RAB36: variants seen among roughly 807,000 people sequenced by gnomAD.
The protein encoded by RAB36 is ras-related protein Rab-36.
In RAB36, 33 loss-of-function variants were observed where a neutral mutation model predicts 39.3. That is an observed-to-expected ratio of 0.84 (90% CI 0.64 to 1.12). RAB36 has a LOEUF of 1.12. Ranked by LOEUF, RAB36 falls within the 50% of genes most tolerant of loss-of-function variation. The pLI, the probability that RAB36 is intolerant of heterozygous loss-of-function variation, is 0.00. For missense variants in RAB36, 308 were observed against 355.3 expected (o/e 0.87, Z 1.07); for synonymous variants, 133 against 140.2 (o/e 0.95, Z 0.36).
intron 6 of RAB36, 58 bp from the exon 7 acceptor site, chr22:23,157,934 G>T: frequency 1.2e-6 from 2 of 1,609,874 alleles, no homozygotes; most frequent in Non-Finnish European, 1.7e-6. Flanking sequence ...CTCCTGGGGA[G>T]CCCCCTTGCT....
chr22:23,161,430 C>T (rs538003232), intron 10 of RAB36, 70 bp from the exon 11 acceptor site: 47 of 1,343,252 alleles, frequency 3.5e-5, no homozygotes, highest in Middle Eastern at 1.8e-4. Flanking sequence ...CTGTCAGGGC[C>T]GGCATCCCCT....
Position 23,162,460 on chromosome 22 carries a change from T to C in RAB36, c.*896T>C, listed in dbSNP as rs1176648911. The stretch of plus-strand genomic sequence containing the variant: ...TGCTGCCTCTCCATCCCTCTCTCAT[T>C]GGCCTATACATCTCTTAGGACCTTT... On this transcript the variant is annotated 3_prime_UTR_variant, in exon 11 of 11. Coordinates refer to ENST00000263116, the MANE Select transcript of RAB36 (RefSeq NM_004914.5). 2 of 361,366 alleles carry C rather than the reference T, an allele frequency of 5.5e-6. No homozygotes were observed. Among genetic ancestry groups the C allele is most frequent in the Non-Finnish European group, 1.1e-5 (2 of 179,132 alleles). 22.4% of individuals were successfully genotyped at this position (361,366 alleles called of 1,614,324 possible).
chr22:23,152,287 C>G (rs2071190955), intron 3 of RAB36, among the ~76,000 whole-genome samples, 174 bp from the exon 4 acceptor site: 1 of 152,208 alleles, frequency 6.6e-6, no homozygotes, highest in Admixed American at 6.5e-5. Flanking sequence ...CCTCTCCCGT[C>G]TCCCCTCTGG....
chr22:23,154,700 TC>T, intron 5 of RAB36, among the ~76,000 whole-genome samples: 1 of 152,214 alleles, frequency 6.6e-6, no homozygotes, highest in South Asian at 2.1e-4. Flanking sequence ...TTTGCCAGCC[TC>T]CCTACGGGCT....
In RAB36 at chr22:23,145,519, C is replaced by A. The variant is rs777459728; in HGVS notation, c.-45C>A. On this transcript the variant is annotated 5_prime_UTR_variant, in exon 1 of 11. Transcript: ENST00000263116. ...CGCCGCTGGCTCAGGCGGACCAGGC[C>A]GCGCGGAGCCCCAGCTTTCACAGCC... The A allele has an allele frequency of 1.9e-5, 30 of 1,604,254 alleles. No individual in the cohort carries two copies. The highest frequency in any genetic ancestry group is 2.2e-5 in the Non-Finnish European group (26 of 1,179,458).
Position 23,162,852 on chromosome 22 carries a change from C to T in RAB36, c.*1288C>T. 2 of 415,780 alleles carry T rather than the reference C, an allele frequency of 4.8e-6. No individual in the cohort carries two copies. The highest frequency in any genetic ancestry group is 1.0e-5 in the Non-Finnish European group (2 of 200,362). 25.8% of individuals were successfully genotyped at this position (415,780 alleles called of 1,614,324 possible). A position where few individuals can be genotyped will look rare whatever the true frequency, so the allele number is the denominator to read the frequency against. On this transcript the variant is annotated 3_prime_UTR_variant, in exon 11 of 11. Coordinates refer to ENST00000263116, the MANE Select transcript of RAB36 (RefSeq NM_004914.5). ...GCCAAATACCAGTTAGGGAAGAACA[C>T]TGGCATCTTTTTCTATTCATTCCCC...
intron 6 of RAB36, among the ~76,000 whole-genome samples, chr22:23,156,812 G>C (rs549234903): frequency 5.9e-5 from 9 of 152,218 alleles, no homozygotes; most frequent in Admixed American, 2.0e-4. Flanking sequence ...TCGCCTCTTC[G>C]GGCCTCTCCT....
At chr22:23,158,825 C>G (rs890217666) in intron 7 of RAB36, 73 bp from the exon 8 acceptor site, 18 of 1,387,402 alleles carry the variant, frequency 1.3e-5, no homozygotes, top group East Asian at 2.3e-5. Flanking sequence ...GGGGAGGTCC[C>G]AAGTGTGCCC....
chr22:23,155,625 T>G (rs541070047), intron 5 of RAB36, among the ~76,000 whole-genome samples: 4 of 152,346 alleles, frequency 2.6e-5, no homozygotes, highest in South Asian at 2.1e-4. Context: ...ACAAGTGGAC[T>G]GCTACATCTT....
chr22:23,146,806 T>C, intron 2 of RAB36, 121 bp downstream of exon 2: 1 of 1,429,512 alleles, frequency 7.0e-7, no homozygotes, highest in Non-Finnish European at 9.2e-7. Flanking sequence ...ATTGTCAGAT[T>C]TACCTTGAGG....
chr22:23,160,031 A>T (rs1417197149), intron 9 of RAB36, among the ~76,000 whole-genome samples: 3 of 152,314 alleles, frequency 2.0e-5, no homozygotes. Context: ...GGATGAAATG[A>T]AGTCATACGC....
rs2071256648 is a variant in RAB36, at chr22:23,153,148, TC to T, written c.329+19del. 1 of 1,605,016 alleles carries T rather than the reference TC, an allele frequency of 6.2e-7. No homozygotes were observed. On this transcript the variant is annotated intron_variant, in intron 5 of 10. Coordinates refer to ENST00000263116, the MANE Select transcript of RAB36 (RefSeq NM_004914.5). ...TAGCCTCCAGATGTAAGTTGCTGGT[TC>T]CCCCATGGCTCGTGGGCAGCTTCCT...
rs1028350822 is a variant in RAB36, at chr22:23,163,449, C to T, written c.*1885C>T. On this transcript the variant is annotated 3_prime_UTR_variant, in exon 11 of 11. Coordinates refer to ENST00000263116, the MANE Select transcript of RAB36 (RefSeq NM_004914.5). The stretch of plus-strand genomic sequence containing the variant: ...TTCACCGTGTTAGCCAGGATGGTCT[C>T]GATGATCTGACCTCGTGATCTGCCC... 1.0e-4 allele frequency: 15 copies of T among 147,894 alleles called. No homozygotes were observed. The highest frequency in any genetic ancestry group is 3.0e-4 in the African/African-American group (12 of 39,784). The allele number at this position is 147,894 out of a possible 1,614,324, so 9.2% of individuals were successfully genotyped here. A position where few individuals can be genotyped will look rare whatever the true frequency, so the allele number is the denominator to read the frequency against.
At chr22:23,150,285 G>A in intron 3 of RAB36, 131 bp downstream of exon 3, 1 of 698,530 alleles carries the variant, frequency 1.4e-6, no homozygotes, top group Non-Finnish European at 2.4e-6. Flanking sequence ...GAAGATGACT[G>A]GGGTTTTCTT....
intron 3 of RAB36, among the ~76,000 whole-genome samples, chr22:23,151,753 G>A (rs1409495960): frequency 3.3e-5 from 5 of 152,230 alleles, no homozygotes; most frequent in African/African-American, 1.2e-4. Flanking sequence ...AAACGCCTCT[G>A]CACAGAGTGT....
rs373104304 is a variant in RAB36 at position 23,150,119 on chromosome 22, C to T, written c.126C>T (p.Ser42=). 65 of 1,612,312 alleles carry T rather than the reference C, an allele frequency of 4.0e-5. No individual in the cohort carries two copies. Among genetic ancestry groups the T allele is most frequent in the Non-Finnish European group, 5.0e-5 (59 of 1,179,406 alleles). Residue 42 remains serine, a synonymous_variant, in exon 3 of 11, where the codon AGC becomes AGT. Coordinates refer to ENST00000263116, the MANE Select transcript of RAB36 (RefSeq NM_004914.5). ...GGGAGCACTTCCACGGGCAGGTCAG[C>T]GCTGCCTGCCAACGCAGGAACACGG... ...QLREHFHGQV[S]AACQRRNTGT...
intron 2 of RAB36, among the ~76,000 whole-genome samples, chr22:23,148,806 C>G (rs2070945908): frequency 6.6e-6 from 1 of 152,220 alleles, no homozygotes; most frequent in Non-Finnish European, 1.5e-5. Context: ...GTGTCTGAGC[C>G]AGTCCCTAGC....
At chr22:23,167,657 G>A (rs2072073242), downstream of RAB36, among the ~76,000 whole-genome samples, 2 of 152,150 alleles carry the variant, frequency 1.3e-5, no homozygotes, top group Non-Finnish European at 2.9e-5. Flanking sequence ...ATGGACAGAG[G>A]ATCGGTTAAA....
At chr22:23,153,181 A>C in intron 5 of RAB36, 47 bp downstream of exon 5, 1 of 1,426,268 alleles carries the variant, frequency 7.0e-7, no homozygotes, top group Non-Finnish European at 9.9e-7. Flanking sequence ...TCCTACAGGC[A>C]CCTGAGAAAG....
Sources: gnomAD v4.1 joint callset for allele counts (sites outside exome capture counted in the v4.1 genomes callset) on GRCh38, gnomAD v4.1.1 for gene constraint, MANE v1.5 for transcripts, NCBI Gene and HGNC (gene_info 2026-07-23, HGNC 2026-07-21) for gene names.